RASSF5: variants seen among roughly 807,000 people sequenced by gnomAD.
RASSF5 encodes the protein Ras association domain family member 5.
RASSF5 carries 25 observed loss-of-function variants against 40.5 expected under a neutral mutation model. The ratio of observed to expected loss-of-function variants is 0.62; its 90% CI spans 0.45 to 0.86. The LOEUF (loss-of-function observed/expected upper bound fraction) is 0.86, where lower values mean the gene tolerates loss of function less well. RASSF5 is among the 40% of genes least tolerant of loss of function. The pLI is 0.00. For synonymous variants in RASSF5, 246 were observed against 252.4 expected, an observed-to-expected ratio of 0.97 and a Z score of 0.24; for missense variants, 521 against 572.8, an observed-to-expected ratio of 0.91 and a Z score of 0.92.
intron 1 of RASSF5, chr1:206,518,551 C>T (rs1201036012): frequency 2.5e-6 from 1 of 398,634 alleles, no homozygotes; most frequent in East Asian, 3.6e-5. Flanking sequence ...CGGGGTAGGT[C>T]TAAGCCAATC....
At chr1:206,541,374 G>T (rs1321034934) in intron 2 of RASSF5, among the ~76,000 whole-genome samples, 2 of 152,188 alleles carry the variant, frequency 1.3e-5, no homozygotes, top group Non-Finnish European at 2.9e-5. Flanking sequence ...CCAAGGTTCT[G>T]TCTTGTCTCT....
intron 2 of RASSF5, among the ~76,000 whole-genome samples, chr1:206,559,682 A>G (rs1220069537): frequency 6.6e-6 from 1 of 152,200 alleles, no homozygotes; most frequent in African/African-American, 2.4e-5. Flanking sequence ...CCTTCTAAGA[A>G]ACTCCTTTTA....
At chr1:206,583,226 G>T in intron 2 of RASSF5, 43 bp from the exon 3 acceptor site, 2 of 1,337,818 alleles carry the variant, frequency 1.5e-6, no homozygotes, top group South Asian at 1.2e-5. Flanking sequence ...TTCTCACCCT[G>T]AGAACTACTA....
At chr1:206,550,283 T>A (rs932280539) in intron 2 of RASSF5, among the ~76,000 whole-genome samples, 1 of 152,236 alleles carries the variant, frequency 6.6e-6, no homozygotes, top group African/African-American at 2.4e-5. Flanking sequence ...TCCTATTCCC[T>A]CATCTTTGCC....
chr1:206,515,246 T>A (rs1352089527), intron 1 of RASSF5, among the ~76,000 whole-genome samples: 1 of 152,192 alleles, frequency 6.6e-6, no homozygotes, highest in Non-Finnish European at 1.5e-5. Flanking sequence ...CAGGGCTGGG[T>A]AATTGAGAGT....
At chr1:206,524,435 TATATA>T (rs1246067571) in intron 1 of RASSF5, among the ~76,000 whole-genome samples, 39 of 141,122 alleles carry the variant, frequency 2.8e-4, no homozygotes, top group African/African-American at 9.8e-4. Context: ...ATAGATACCA[TATATA>T]ATATATTTTC....
At chr1:206,544,329 CT>C (rs1335099273) in intron 2 of RASSF5, 1 of 152,184 alleles carries the variant, frequency 6.6e-6, no homozygotes, top group Non-Finnish European at 1.5e-5. Context: ...CTCTAACAGT[CT>C]TGCTAGATGT....
intron 1 of RASSF5, among the ~76,000 whole-genome samples, chr1:206,533,192 G>A (rs1667286468): frequency 6.6e-6 from 1 of 152,214 alleles, no homozygotes; most frequent in Non-Finnish European, 1.5e-5. Flanking sequence ...TGGCCTGTGG[G>A]CCATGTTTGA....
At chr1:206,554,829 AT>A (rs1321097044) in intron 2 of RASSF5, among the ~76,000 whole-genome samples, 1 of 152,096 alleles carries the variant, frequency 6.6e-6, no homozygotes, top group Non-Finnish European at 1.5e-5. Context: ...ATTATATATG[AT>A]CTTTGTATAT....
chr1:206,525,585 A>G (rs1667078478), intron 1 of RASSF5, among the ~76,000 whole-genome samples: 2 of 152,082 alleles, frequency 1.3e-5, no homozygotes, highest in Non-Finnish European at 2.9e-5. Context: ...TAAGGTTTTA[A>G]TTGTTTTGGA....
chr1:206,509,123 G>T (rs1460217752), intron 1 of RASSF5, among the ~76,000 whole-genome samples: 1 of 152,214 alleles, frequency 6.6e-6, no homozygotes, highest in African/African-American at 2.4e-5. Flanking sequence ...CTCTGGAAAT[G>T]GATTGTGGTT....
chr1:206,523,007 T>G (rs1666947392), intron 1 of RASSF5, among the ~76,000 whole-genome samples: 1 of 152,184 alleles, frequency 6.6e-6, no homozygotes, highest in South Asian at 2.1e-4. Context: ...AAACATTGCA[T>G]GTATAAAAAA....
rs1025293485 is a variant in RASSF5 at position 206,535,195 on chromosome 1, C to T, written c.458-2977C>T. Among the ~76,000 whole-genome samples the T allele has an allele frequency of 6.6e-6, 1 of 152,138 alleles. No individual in the cohort carries two copies. The highest frequency in any genetic ancestry group is 2.4e-5 in the African/African-American group (1 of 41,428). ...TGCAGCCTGGGTGGCAGAGTGAAAC[C>T]TTGCCTCAAAAAGAAAAAACAAAAA... On this transcript the variant is annotated intron_variant, in intron 1 of 5. Transcript: ENST00000579436. This position sits in a 1 kb window ranked among gnomAD's most constrained non-coding sequence, Gnocchi z 5.0.
intron 1 of RASSF5, among the ~76,000 whole-genome samples, chr1:206,516,156 A>G (rs1666739912): frequency 1.3e-5 from 2 of 152,226 alleles, no homozygotes; most frequent in South Asian, 2.1e-4. Context: ...GAGGTCATTG[A>G]GTCATTGCTT....
intron 2 of RASSF5, among the ~76,000 whole-genome samples, chr1:206,571,654 T>C (rs1340020490): frequency 6.6e-6 from 1 of 152,280 alleles, no homozygotes; most frequent in African/African-American, 2.4e-5. Flanking sequence ...CCACTAATTC[T>C]AGATAAGAGT....
At chr1:206,534,557 T>G (rs1269624777) in intron 1 of RASSF5, among the ~76,000 whole-genome samples, 1 of 151,872 alleles carries the variant, frequency 6.6e-6, no homozygotes, top group Non-Finnish European at 1.5e-5. Flanking sequence ...TTACCTGGAG[T>G]CTCATCTCCT....
intron 5 of RASSF5, chr1:206,585,946 A>G (rs1275253822): frequency 6.6e-6 from 1 of 152,306 alleles, no homozygotes; most frequent in Admixed American, 6.5e-5. Flanking sequence ...CTCTGCTCCC[A>G]TCTGCTTTCT....
intron 1 of RASSF5, among the ~76,000 whole-genome samples, chr1:206,526,550 C>T (rs1553397245): frequency 6.6e-6 from 1 of 152,168 alleles, no homozygotes; most frequent in Non-Finnish European, 1.5e-5. Context: ...GGAGTTTAGC[C>T]AGGAGTTTGA....
At chr1:206,516,995 T>G (rs1553395511) in intron 1 of RASSF5, among the ~76,000 whole-genome samples, 1 of 152,096 alleles carries the variant, frequency 6.6e-6, no homozygotes, top group Non-Finnish European at 1.5e-5. Flanking sequence ...GGTTGCTTGG[T>G]AAACTAGAGA....
Sources: allele counts gnomAD v4.1 joint callset (sites outside exome capture counted in the v4.1 genomes callset), GRCh38; gene constraint gnomAD v4.1.1; non-coding constraint Gnocchi (gnomAD v3.1); transcripts MANE v1.5; gene names NCBI Gene and HGNC (gene_info 2026-07-23, HGNC 2026-07-21).